RIMBP2: variants seen among roughly 807,000 people sequenced by gnomAD.
RIMBP2 encodes RIMS binding protein 2.
A neutral mutation model predicts 118.6 loss-of-function variants in RIMBP2; 48 were observed. The observed-to-expected ratio is 0.40, with a 90% CI of 0.32 to 0.51. The LOEUF (loss-of-function observed/expected upper bound fraction) is 0.51. RIMBP2 is among the 20% of genes least tolerant of loss of function. RIMBP2 has a pLI of 0.41. For synonymous variants in RIMBP2, 762 were observed against 742.9 expected (o/e 1.03, Z -0.42); for missense variants, 1,551 against 1,768.3 (o/e 0.88, Z 2.20).
rs1234184879 is a variant in RIMBP2 at position 130,475,840 on chromosome 12, G to A, written c.102+3072C>T. ...ACGGAGCTCAAGGAGTTCAGCAGAA[G>A]TGCAGGTGTTGGTGAGGACAGAGGG... On this transcript the variant is annotated intron_variant, in intron 5 of 22. Transcript: ENST00000690449. This position sits in a 1 kb window ranked among gnomAD's most constrained non-coding sequence, Gnocchi z 4.1. Among the ~76,000 whole-genome samples, 1 of 152,130 alleles carries A rather than the reference G, an allele frequency of 6.6e-6. No homozygotes were observed. Among genetic ancestry groups the A allele is most frequent in the Non-Finnish European group, 1.5e-5 (1 of 68,038 alleles).
chr12:130,671,012 G>A (rs1369648259), intron 1 of RIMBP2, among the ~76,000 whole-genome samples: 1 of 152,128 alleles, frequency 6.6e-6, no homozygotes, highest in Non-Finnish European at 1.5e-5. Flanking sequence ...TGCCTGCCTT[G>A]GCCTCCCAAA....
In RIMBP2 at chr12:130,523,283, C is replaced by T. The variant is rs1472173885; in HGVS notation, c.-216-5366G>A. ...TGTGAGGACACAGTGAGAAAACAGC[C>T]ATCTGCAAGTCAAGAAGCGGCTCGC... is the stretch of plus-strand genomic sequence containing the variant. On this transcript the variant is annotated intron_variant, in intron 2 of 22. Coordinates refer to ENST00000690449, the MANE Select transcript of RIMBP2 (RefSeq NM_001393629.1). This position sits in a 1 kb window ranked among gnomAD's most constrained non-coding sequence, Gnocchi z 4.4. Among the ~76,000 whole-genome samples the T allele has an allele frequency of 1.3e-5, 2 of 152,172 alleles. No individual in the cohort carries two copies. The highest frequency in any genetic ancestry group is 2.9e-5 in the Non-Finnish European group (2 of 68,030).
chr12:130,400,183 C>T (rs549630879), intron 21 of RIMBP2, among the ~76,000 whole-genome samples: 18 of 152,250 alleles, frequency 1.2e-4, no homozygotes, highest in African/African-American at 2.6e-4. Context: ...AAAAACACAT[C>T]GCTCAGCACA....
In RIMBP2 at chr12:130,424,968, G is replaced by GA. The variant is rs2076682895; in HGVS notation, c.2413-111dup. The GA allele has an allele frequency of 5.3e-6, 3 of 570,590 alleles. No homozygotes were observed. Among genetic ancestry groups the GA allele is most frequent in the Admixed American group, 4.4e-5 (1 of 22,852 alleles). 35.3% of individuals were successfully genotyped at this position (570,590 alleles called of 1,614,324 possible). Reference sequence around the variant, plus strand: ...AGACAGAATTAGTCCTGGAGGCACCGAGGGGGGGGAAGCATGCGTCTACTC... The same window carrying GA: ...AGACAGAATTAGTCCTGGAGGCACCGAAGGGGGGGGAAGCATGCGTCTACTC... On this transcript the variant is annotated intron_variant, in intron 15 of 22. Transcript: ENST00000690449. This position sits in a 1 kb window ranked among gnomAD's most constrained non-coding sequence, Gnocchi z 9.8.
intron 2 of RIMBP2, among the ~76,000 whole-genome samples, chr12:130,550,722 A>G (rs1414265440): frequency 6.6e-6 from 1 of 152,238 alleles, no homozygotes; most frequent in Non-Finnish European, 1.5e-5. Flanking sequence ...TAACAGATAC[A>G]TTTGGTTTTC....
rs971874808 is a variant in RIMBP2, at chr12:130,648,203, C to G, written c.-351-19747G>C. Among the ~76,000 whole-genome samples the G allele has an allele frequency of 2.1e-5, 3 of 145,912 alleles. 1 individual carries two copies. The highest frequency in any genetic ancestry group is 4.7e-5 in the Non-Finnish European group (3 of 64,416). ...AAAGATGAAAAAATGTTTCTCACAG[C>G]TGTCAAGGGAAAAGGGGAAATCCCA... is the stretch of plus-strand genomic sequence containing the variant. On this transcript the variant is annotated intron_variant, in intron 1 of 22. Transcript: ENST00000690449.
chr12:130,713,263 A>AC (rs1950089183), intron 1 of RIMBP2, among the ~76,000 whole-genome samples: 1 of 148,778 alleles, frequency 6.7e-6, no homozygotes, highest in Non-Finnish European at 1.5e-5. Context: ...GGAAGGAAGG[A>AC]AGGAAGGAAG....
intron 2 of RIMBP2, among the ~76,000 whole-genome samples, chr12:130,590,899 G>C (rs920445367): frequency 1.3e-5 from 2 of 152,192 alleles, no homozygotes; most frequent in African/African-American, 4.8e-5. Flanking sequence ...AGTTGCACAC[G>C]AACTTCCGTG....
At chr12:130,582,908 A>T (rs1323142404) in intron 2 of RIMBP2, among the ~76,000 whole-genome samples, 1 of 152,234 alleles carries the variant, frequency 6.6e-6, no homozygotes, top group Non-Finnish European at 1.5e-5. Context: ...TGAATGAATA[A>T]CTGAATGCCA....
intron 1 of RIMBP2, chr12:130,668,118 G>C (rs930394225): frequency 6.6e-6 from 1 of 152,206 alleles, no homozygotes; most frequent in African/African-American, 2.4e-5. Context: ...CTTGTAACTG[G>C]TGTCTGCAGT....
chr12:130,562,021 A>C (rs188425497), intron 2 of RIMBP2, among the ~76,000 whole-genome samples: 96 of 152,332 alleles, frequency 6.3e-4, no homozygotes, highest in African/African-American at 2.1e-3. Context: ...ACTCTGCAAA[A>C]ATGACATTAC....
chr12:130,506,365 G>C (rs528678422), intron 4 of RIMBP2, among the ~76,000 whole-genome samples: 19 of 152,304 alleles, frequency 1.2e-4, no homozygotes, highest in African/African-American at 4.3e-4. Flanking sequence ...TTTCCATTCA[G>C]GAGCGGTGTG....
At chr12:130,546,571 C>A (rs998245522) in intron 2 of RIMBP2, among the ~76,000 whole-genome samples, 1 of 152,190 alleles carries the variant, frequency 6.6e-6, no homozygotes, top group African/African-American at 2.4e-5. Flanking sequence ...GCTGGGATTA[C>A]AGGCTGAGCC....
At chr12:130,700,289 AT>A (rs1358041462) in intron 1 of RIMBP2, among the ~76,000 whole-genome samples, 2 of 152,170 alleles carry the variant, frequency 1.3e-5, no homozygotes, top group Non-Finnish European at 2.9e-5. Flanking sequence ...CCCCGGAAAG[AT>A]GCCTGGAGTT....
chr12:130,579,938 G>A (rs900481060), intron 2 of RIMBP2, among the ~76,000 whole-genome samples: 1 of 150,754 alleles, frequency 6.6e-6, no homozygotes, highest in Non-Finnish European at 1.5e-5. Context: ...GTAATATTCA[G>A]TCTGGGAAGG....
At chr12:130,611,619 C>T (rs1186062940) in intron 2 of RIMBP2, among the ~76,000 whole-genome samples, 1 of 152,206 alleles carries the variant, frequency 6.6e-6, no homozygotes, top group Non-Finnish European at 1.5e-5. Flanking sequence ...AGGAGGCCTG[C>T]ACAGCCTCGA....
chr12:130,607,339 C>G (rs1421203863), intron 2 of RIMBP2, among the ~76,000 whole-genome samples: 1 of 152,130 alleles, frequency 6.6e-6, no homozygotes. Context: ...AGGGCCCTAC[C>G]CATGACCGCA....
chr12:130,541,525 G>A (rs1346529923), intron 2 of RIMBP2, among the ~76,000 whole-genome samples: 1 of 152,214 alleles, frequency 6.6e-6, no homozygotes, highest in East Asian at 1.9e-4. Context: ...TACTCACTGG[G>A]CCTAAGAAAG....
At chr12:130,460,757 C>G (rs1016942076) in intron 6 of RIMBP2, among the ~76,000 whole-genome samples, 1 of 152,140 alleles carries the variant, frequency 6.6e-6, no homozygotes, top group Non-Finnish European at 1.5e-5. Context: ...TTGCTTCCCC[C>G]GCAGATTCCC....
Sources: gnomAD v4.1 joint callset for allele counts (sites outside exome capture counted in the v4.1 genomes callset) on GRCh38, gnomAD v4.1.1 for gene constraint, Gnocchi (gnomAD v3.1) non-coding constraint, MANE v1.5 for transcripts, NCBI Gene and HGNC (gene_info 2026-07-23, HGNC 2026-07-21) for gene names.